Variants in KATNAL1 observed in about 807,000 individuals in gnomAD.
The protein encoded by KATNAL1 is katanin p60 ATPase-containing subunit A-like 1.
In KATNAL1, 32 loss-of-function variants were observed where a neutral mutation model predicts 55.2. That is an observed-to-expected ratio of 0.58 (90% CI 0.44 to 0.78). The LOEUF is 0.78. KATNAL1 is among the 30% of genes least tolerant of loss of function. The pLI, the probability that KATNAL1 is intolerant of heterozygous loss-of-function variation, is 0.00. For missense variants in KATNAL1, 466 were observed against 600.9 expected, an observed-to-expected ratio of 0.78 and a Z score of 2.35; for synonymous variants, 193 against 193.6, an observed-to-expected ratio of 1.00 and a Z score of 0.02.
rs1328638639 is a variant in KATNAL1, at chr13:30,204,762, T to C, written c.*3778A>G. On this transcript the variant is annotated 3_prime_UTR_variant, in exon 11 of 11. Coordinates refer to ENST00000380615, the MANE Select transcript of KATNAL1 (RefSeq NM_032116.5). ...TTCAGCCTATGTTTTGAGAGTGAAA[T>C]ATGACATCACAATCTCAGAAGCTGA... The C allele has an allele frequency of 1.3e-5, 2 of 152,202 alleles. No individual in the cohort carries two copies. The highest frequency in any genetic ancestry group is 2.9e-5 in the Non-Finnish European group (2 of 68,040). 9.4% of individuals were successfully genotyped at this position (152,202 alleles called of 1,614,324 possible).
intron 6 of KATNAL1, 119 bp downstream of exon 6, chr13:30,240,337 GTACA>G: frequency 1.6e-6 from 1 of 636,786 alleles, no homozygotes; most frequent in Non-Finnish European, 2.8e-6. Context: ...TGTTTTGGGT[GTACA>G]TAAACTTCTC....
rs148183250 is a variant in KATNAL1, at chr13:30,274,734, G to A, written c.323+5329C>T. 5.3e-4 allele frequency among the ~76,000 whole-genome samples: 81 copies of A among 152,210 alleles called. No homozygotes were observed. The East Asian group carries it at 0.014, about 26-fold the overall frequency. ...TCCCACTTCTGAGCATACAGCCAAA[G>A]AAAATGAAATCAGTGTGTCAGATCT... On this transcript the variant is annotated intron_variant, in intron 3 of 10. Coordinates refer to ENST00000380615, the MANE Select transcript of KATNAL1 (RefSeq NM_032116.5).
chr13:30,306,325 A>G (rs1366471427), intron 1 of KATNAL1, among the ~76,000 whole-genome samples: 2 of 152,206 alleles, frequency 1.3e-5, no homozygotes, highest in Non-Finnish European at 2.9e-5. Flanking sequence ...ATGCTGAGAA[A>G]TTCTGAATAA....
chr13:30,277,824 A>T (rs1880958682), intron 3 of KATNAL1, among the ~76,000 whole-genome samples: 1 of 151,422 alleles, frequency 6.6e-6, no homozygotes, highest in African/African-American at 2.4e-5. Flanking sequence ...TCTACTAAAA[A>T]TACAAAAAAT....
At chr13:30,293,024 T>C (rs1882239355) in intron 1 of KATNAL1, among the ~76,000 whole-genome samples, 1 of 152,214 alleles carries the variant, frequency 6.6e-6, no homozygotes, top group African/African-American at 2.4e-5. Context: ...TGATATGCTT[T>C]GAAATGGGTC....
At chr13:30,279,505 A>C (rs1343879496) in intron 3 of KATNAL1, among the ~76,000 whole-genome samples, 1 of 152,190 alleles carries the variant, frequency 6.6e-6, no homozygotes, top group Non-Finnish European at 1.5e-5. Context: ...TGCACAGACA[A>C]GATGACCAAA....
chr13:30,230,001 A>G (rs541362014), intron 8 of KATNAL1, among the ~76,000 whole-genome samples: 2 of 149,860 alleles, frequency 1.3e-5, no homozygotes, highest in Admixed American at 1.3e-4. Flanking sequence ...GTCTATCTAG[A>G]GAAAAGCTGG....
At chr13:30,260,928 A>G (rs36187078) in intron 3 of KATNAL1, among the ~76,000 whole-genome samples, 12,175 of 151,046 alleles carry the variant, frequency 0.081, 817 homozygotes, top group East Asian at 0.33. Context: ...CAGATTCACC[A>G]AAGTTGAAAT....
At chr13:30,261,621 G>A (rs1432069054) in intron 3 of KATNAL1, among the ~76,000 whole-genome samples, 2 of 152,190 alleles carry the variant, frequency 1.3e-5, no homozygotes, top group African/African-American at 2.4e-5. Flanking sequence ...AGACAAAGAA[G>A]GCCATTACAT....
chr13:30,251,507 C>T (rs1593889561), intron 4 of KATNAL1, among the ~76,000 whole-genome samples: 1 of 152,222 alleles, frequency 6.6e-6, no homozygotes. Context: ...GCCTGTTGGC[C>T]CCTTCCATCC....
intron 6 of KATNAL1, among the ~76,000 whole-genome samples, chr13:30,235,537 G>A (rs1876565079): frequency 6.6e-6 from 1 of 152,180 alleles, no homozygotes; most frequent in African/African-American, 2.4e-5. Context: ...GAGATTTGGT[G>A]GGACAAATAT....
In KATNAL1 at chr13:30,202,846, T is replaced by C. The variant is rs966674543; in HGVS notation, c.*5694A>G. The C allele has an allele frequency of 6.6e-6, 1 of 152,334 alleles. No individual in the cohort carries two copies. The highest frequency in any genetic ancestry group is 2.4e-5 in the African/African-American group (1 of 41,570). The allele number at this position is 152,334 out of a possible 1,614,324, so 9.4% of individuals were successfully genotyped here. ...AACGCACTTACAAGCCATCATAACATGCAGTGATCCTGCGAGACACTGTGT... is the reference window on the plus strand; with the variant it reads ...AACGCACTTACAAGCCATCATAACACGCAGTGATCCTGCGAGACACTGTGT... On this transcript the variant is annotated 3_prime_UTR_variant, in exon 11 of 11. Coordinates refer to ENST00000380615, the MANE Select transcript of KATNAL1 (RefSeq NM_032116.5).
At chr13:30,245,017 T>TAAA (rs560092866) in intron 4 of KATNAL1, among the ~76,000 whole-genome samples, 1 of 138,294 alleles carries the variant, frequency 7.2e-6, no homozygotes, top group Admixed American at 7.2e-5. Context: ...TCCAAACAAT[T>TAAA]AAAAAAAAAA....
chr13:30,306,010 T>A (rs1461903986), intron 1 of KATNAL1, among the ~76,000 whole-genome samples: 1 of 152,206 alleles, frequency 6.6e-6, no homozygotes, highest in East Asian at 1.9e-4. Context: ...GTCAACTTCA[T>A]TTTAATTAAG....
rs192834959 is a variant in KATNAL1 at position 30,241,098 on chromosome 13, T to C, written c.493-12A>G. ...ATATTCTTCCTTCCCTGGGGATAGG[T>C]ATAAAAAAAAAGTACTAGTCAGTAA... On this transcript the variant is annotated splice_polypyrimidine_tract_variant and intron_variant, in intron 4 of 10. Coordinates refer to ENST00000380615, the MANE Select transcript of KATNAL1 (RefSeq NM_032116.5). The C allele has an allele frequency of 1.5e-4, 249 of 1,607,384 alleles. 1 individual carries two copies. The highest frequency in any genetic ancestry group is 1.6e-4 in the Non-Finnish European group (186 of 1,178,244).
chr13:30,246,882 T>TA (rs1566105005), intron 4 of KATNAL1, among the ~76,000 whole-genome samples: 4 of 152,112 alleles, frequency 2.6e-5, no homozygotes. Context: ...TTTCTTTTTT[T>TA]AAAAAGTGAT....
At chr13:30,245,857 T>G (rs1005784756) in intron 4 of KATNAL1, among the ~76,000 whole-genome samples, 1 of 152,112 alleles carries the variant, frequency 6.6e-6, no homozygotes, top group African/African-American at 2.4e-5. Flanking sequence ...GTAGGACCTC[T>G]TCAAGGAGAA....
intron 1 of KATNAL1, among the ~76,000 whole-genome samples, chr13:30,299,943 C>A (rs61948763): frequency 0.035 from 5,367 of 152,042 alleles, 125 homozygotes; most frequent in Non-Finnish European, 0.052. Context: ...ACATCTCCAA[C>A]CTTTCTGTTC....
chr13:30,232,745 C>T (rs1876231942), intron 6 of KATNAL1, among the ~76,000 whole-genome samples: 1 of 152,084 alleles, frequency 6.6e-6, no homozygotes, highest in African/African-American at 2.4e-5. Flanking sequence ...TGACATTACT[C>T]CTTTAATTAA....
Sources: allele counts gnomAD v4.1 joint callset (sites outside exome capture counted in the v4.1 genomes callset), GRCh38; gene constraint gnomAD v4.1.1; transcripts MANE v1.5; gene names NCBI Gene and HGNC (gene_info 2026-07-23, HGNC 2026-07-21).